AGBL1: variants seen among roughly 807,000 people sequenced by gnomAD.
The protein encoded by AGBL1 is cytosolic carboxypeptidase 4.
AGBL1 carries 130 observed loss-of-function variants against 118.9 expected under a neutral mutation model. The observed-to-expected ratio is 1.09, with a 90% CI of 0.95 to 1.26. The LOEUF is 1.26. AGBL1 is among the 50% of genes most tolerant of loss of function. AGBL1 has a pLI of 0.00. For missense variants in AGBL1, 1,584 were observed against 1,298.1 expected (o/e 1.22, Z -3.38); for synonymous variants, 555 against 478.9 (o/e 1.16, Z -2.08).
intron 22 of AGBL1, among the ~76,000 whole-genome samples, chr15:86,679,339 T>C (rs2085907934): frequency 1.3e-5 from 2 of 152,096 alleles, no homozygotes; most frequent in African/African-American, 4.8e-5. Flanking sequence ...TAAAAAAGTT[T>C]TGTTCATCTA....
At chr15:86,618,187 T>C (rs770745047) in intron 21 of AGBL1, among the ~76,000 whole-genome samples, 1 of 152,310 alleles carries the variant, frequency 6.6e-6, no homozygotes, top group East Asian at 1.9e-4. Flanking sequence ...GAGAAGATAA[T>C]TTAAATAAAG....
chr15:87,012,432 G>C (rs1158875410), intron 24 of AGBL1, among the ~76,000 whole-genome samples: 6 of 152,006 alleles, frequency 3.9e-5, no homozygotes, highest in Admixed American at 3.9e-4. Flanking sequence ...TGAATATATG[G>C]TTCGAATATA....
chr15:86,170,129 A>G (rs143010038), intron 5 of AGBL1, among the ~76,000 whole-genome samples: 23 of 152,352 alleles, frequency 1.5e-4, no homozygotes, highest in Non-Finnish European at 2.8e-4. Flanking sequence ...TATTCTAACT[A>G]TATTTCACAT....
At chr15:86,243,543 C>CA (rs1031292175) in intron 6 of AGBL1, among the ~76,000 whole-genome samples, 1 of 151,810 alleles carries the variant, frequency 6.6e-6, no homozygotes, top group Admixed American at 6.6e-5. Flanking sequence ...GAAAACTGGC[C>CA]AAAAAAATAC....
intron 19 of AGBL1, among the ~76,000 whole-genome samples, chr15:86,540,716 TA>T (rs947550983): frequency 1.3e-5 from 2 of 152,230 alleles, no homozygotes; most frequent in African/African-American, 4.8e-5. Flanking sequence ...AAAGCTTCCT[TA>T]ACTTAAATAA....
chr15:86,682,536 T>C (rs1313262396), intron 22 of AGBL1, among the ~76,000 whole-genome samples: 1 of 152,144 alleles, frequency 6.6e-6, no homozygotes. Context: ...TTTGGCAGTT[T>C]GTAAAAAGGC....
chr15:86,868,869 A>T (rs545310928), intron 22 of AGBL1, among the ~76,000 whole-genome samples: 1 of 152,328 alleles, frequency 6.6e-6, no homozygotes, highest in African/African-American at 2.4e-5. Flanking sequence ...AATTGGAAAA[A>T]AATAGAATAG....
At chr15:87,021,551 AACAG>A in intron 24 of AGBL1, among the ~76,000 whole-genome samples, 1 of 152,334 alleles carries the variant, frequency 6.6e-6, no homozygotes, top group Non-Finnish European at 1.5e-5. Context: ...CATCAGAGTG[AACAG>A]ACAACCTACA....
intron 5 of AGBL1, among the ~76,000 whole-genome samples, chr15:86,213,276 T>C (rs1276751571): frequency 1.3e-5 from 2 of 152,184 alleles, no homozygotes; most frequent in East Asian, 3.9e-4. Flanking sequence ...TCCTGGAGGA[T>C]CTTGAGTATT....
chr15:86,884,358 C>T (rs145222598), intron 22 of AGBL1, among the ~76,000 whole-genome samples: 42 of 152,284 alleles, frequency 2.8e-4, no homozygotes, highest in African/African-American at 7.9e-4. Context: ...GATCTCATCA[C>T]GCTACACAGA....
intron 21 of AGBL1, among the ~76,000 whole-genome samples, chr15:86,671,823 G>A (rs995980699): frequency 1.3e-5 from 2 of 152,076 alleles, no homozygotes; most frequent in Admixed American, 6.5e-5. Context: ...ATTTAGAGTC[G>A]CTATTTACCC....
chr15:86,220,201 C>G (rs557568627), intron 5 of AGBL1, among the ~76,000 whole-genome samples: 15 of 152,240 alleles, frequency 9.9e-5, no homozygotes, highest in Admixed American at 9.2e-4. Flanking sequence ...ATCCACCTGC[C>G]TCGGCCTCCC....
intron 16 of AGBL1, among the ~76,000 whole-genome samples, chr15:86,286,748 T>TATATATATATATATATATATAA (rs1306818279): frequency 1.4e-5 from 2 of 146,214 alleles, no homozygotes; most frequent in South Asian, 2.1e-4. Flanking sequence ...TATATATATA[T>TATATATATATATATATATATAA]AAAACTCCAT....
chr15:86,186,157 A>C (rs974550069), intron 5 of AGBL1, among the ~76,000 whole-genome samples: 2 of 147,946 alleles, frequency 1.4e-5, no homozygotes, highest in African/African-American at 4.9e-5. Context: ...CTTACTTTTA[A>C]GTGAGAGCTG....
intron 18 of AGBL1, among the ~76,000 whole-genome samples, chr15:86,452,409 C>T (rs928788122): frequency 6.6e-6 from 1 of 152,190 alleles, no homozygotes; most frequent in African/African-American, 2.4e-5. Flanking sequence ...CCTCATGATG[C>T]ACTGAATATT....
chr15:86,936,240 A>ATGTG (rs767265459), intron 23 of AGBL1, among the ~76,000 whole-genome samples: 4,772 of 134,072 alleles, frequency 0.036, 103 homozygotes, highest in Middle Eastern at 0.074. Context: ...GTGTGTATGT[A>ATGTG]TGTGTGTGTG....
chr15:86,724,481 T>C (rs1223180843), intron 22 of AGBL1, among the ~76,000 whole-genome samples: 1 of 151,932 alleles, frequency 6.6e-6, no homozygotes, highest in Non-Finnish European at 1.5e-5. Flanking sequence ...CATGGATGAA[T>C]AGCAATAGTG....
intron 21 of AGBL1, among the ~76,000 whole-genome samples, chr15:86,575,851 C>T (rs1441831017): frequency 6.6e-6 from 1 of 152,172 alleles, no homozygotes; most frequent in African/African-American, 2.4e-5. Context: ...CCCACCTTGG[C>T]CTCTCAAATT....
chr15:86,433,995 A>G lies in AGBL1; in HGVS notation c.2555+36449A>G, dbSNP rs139581682. On this transcript the variant is annotated intron_variant, in intron 18 of 22. Transcript: ENST00000614907. ...CTACCATCCAGAGTGGAGCACCTGTAATTGATCCAGAAATTCTAGTTGATA... is the reference window on the plus strand; with the variant it reads ...CTACCATCCAGAGTGGAGCACCTGTGATTGATCCAGAAATTCTAGTTGATA... 5.3e-4 allele frequency among the ~76,000 whole-genome samples: 81 copies of G among 152,344 alleles called. 1 individual carries two copies. Among genetic ancestry groups the G allele is most frequent in the African/African-American group, 1.8e-3 (76 of 41,590 alleles).
Sources: gnomAD v4.1 joint callset for allele counts (sites outside exome capture counted in the v4.1 genomes callset) on GRCh38, gnomAD v4.1.1 for gene constraint, MANE v1.5 for transcripts, NCBI Gene and HGNC (gene_info 2026-07-23, HGNC 2026-07-21) for gene names.